Variants in POLA1 observed in about 807,000 individuals in gnomAD.
POLA1 encodes DNA polymerase alpha catalytic subunit.
Under a neutral mutation model 124.0 loss-of-function variants are expected in POLA1, and 15 were observed. The observed-to-expected ratio is 0.12, with a 90% CI of 0.08 to 0.19. The LOEUF (loss-of-function observed/expected upper bound fraction) is 0.19, where lower values mean the gene tolerates loss of function less well. Among genes scored for constraint, POLA1 ranks in the 10% least tolerant of loss-of-function variants. The probability of loss-of-function intolerance (pLI) is 1.00; values close to 1 mark genes in which losing one functional copy is unlikely to be tolerated. For synonymous variants in POLA1, 408 were observed against 389.4 expected, an observed-to-expected ratio of 1.05 and a Z score of -0.56; for missense variants, 886 against 1,103.4, an observed-to-expected ratio of 0.80 and a Z score of 2.79.
At chrX:24,813,244 G>T (rs1224773932) in intron 29 of POLA1, among the ~76,000 whole-genome samples, 1 of 111,014 alleles carries the variant, frequency 9.0e-6, no homozygotes, top group Admixed American at 9.6e-5. Context: ...AGAGCCTCTT[G>T]AGGGACATAA....
intron 35 of POLA1, among the ~76,000 whole-genome samples, chrX:24,908,995 G>A (rs1163363549): frequency 8.9e-6 from 1 of 112,129 alleles, no homozygotes; most frequent in African/African-American, 3.2e-5. Context: ...GTGATGATGA[G>A]CATTTTTTCA....
At position 24,826,498 on chromosome X, in the gene POLA1, C is replaced by A. The variant is rs756991410; in HGVS notation, c.3633C>A (p.Thr1211=). The part of the protein sequence containing the change: ...PEQLQKQDNL[T]IDTQYYLAQQ... ...AGCTGCAGAAACAGGATAATCTAACCATTGACACCCAGTACTACCTGGCCC... is the reference window on the plus strand; with the variant it reads ...AGCTGCAGAAACAGGATAATCTAACAATTGACACCCAGTACTACCTGGCCC... The change falls in exon 32 of 37, where the codon ACC becomes ACA. Residue 1211 remains threonine (T), a synonymous_variant. Transcript: ENST00000379068. 2.5e-6 allele frequency: 3 copies of A among 1,200,999 alleles called. No individual in the cohort carries two copies. Among genetic ancestry groups the A allele is most frequent in the Non-Finnish European group, 2.3e-6 (2 of 887,990 alleles).
chrX:24,732,249 C>T, intron 15 of POLA1, 121 bp from the exon 16 acceptor site: 1 of 503,117 alleles, frequency 2.0e-6, no homozygotes, highest in Middle Eastern at 3.8e-4. Context: ...GCCACCACGC[C>T]TGGCCAAACT....
Position 24,743,324 on chromosome X carries a change from A to C in POLA1, c.2561A>C (p.Lys854Thr). 2 of 1,088,023 alleles carry C rather than the reference A, an allele frequency of 1.8e-6. No homozygotes were observed. Among genetic ancestry groups the C allele is most frequent in the Non-Finnish European group, 2.5e-6 (2 of 787,208 alleles). 89.7% of individuals were successfully genotyped at this position (1,088,023 alleles called of 1,213,427 possible). A position where few individuals can be genotyped will look rare whatever the true frequency, so the allele number is the denominator to read the frequency against. Residue 854 changes from lysine to threonine, a missense_variant, in exon 23 of 37, where the codon AAA (lysine) becomes ACA (threonine). By Grantham distance (78) the Lys-to-Thr change is moderately conservative. Transcript: ENST00000379068. Reference sequence around the variant, plus strand: ...GCTGGAGGCTTGGTTTTGGACCCCAAAGTTGGTAAGGCTGGGCAGTGAATT... The same window carrying C: ...GCTGGAGGCTTGGTTTTGGACCCCACAGTTGGTAAGGCTGGGCAGTGAATT... ...AYAGGLVLDP[K>T]VGFYDKFILL...
chrX:24,705,299 G>T (rs896790415), intron 4 of POLA1, among the ~76,000 whole-genome samples: 1 of 111,666 alleles, frequency 9.0e-6, no homozygotes, highest in African/African-American at 3.3e-5. Flanking sequence ...TAGTTTTTAT[G>T]TTTTTAAGCG....
chrX:24,722,765 C>T (rs755667788), intron 10 of POLA1, among the ~76,000 whole-genome samples: 1 of 111,755 alleles, frequency 8.9e-6, no homozygotes, highest in South Asian at 3.8e-4. Flanking sequence ...GTTGACCAGG[C>T]TGGTCTCAAA....
At chrX:24,969,038 C>T (rs2048265732) in intron 36 of POLA1, among the ~76,000 whole-genome samples, 1 of 110,491 alleles carries the variant, frequency 9.1e-6, no homozygotes, top group African/African-American at 3.3e-5. Flanking sequence ...GAAACCCCAT[C>T]TCTACTAAAA....
chrX:24,914,767 T>C (rs1317341064), intron 35 of POLA1, among the ~76,000 whole-genome samples: 1 of 111,623 alleles, frequency 9.0e-6, no homozygotes, highest in Non-Finnish European at 1.9e-5. Flanking sequence ...CATTCTTTTA[T>C]TTATCCAGCG....
intron 36 of POLA1, among the ~76,000 whole-genome samples, chrX:24,952,792 C>T (rs1042486116): frequency 3.6e-5 from 4 of 110,721 alleles, no homozygotes; most frequent in African/African-American, 1.3e-4. Context: ...AGACATCAGC[C>T]ATCACTTAAA....
intron 35 of POLA1, among the ~76,000 whole-genome samples, chrX:24,929,225 A>T (rs764516108): frequency 8.9e-6 from 1 of 111,965 alleles, no homozygotes; most frequent in South Asian, 3.8e-4. Context: ...CCCTTTGAAA[A>T]TAGTGCTATT....
intron 35 of POLA1, among the ~76,000 whole-genome samples, chrX:24,912,208 T>C (rs1055644644): frequency 1.8e-5 from 2 of 112,432 alleles, no homozygotes; most frequent in Non-Finnish European, 1.9e-5. Context: ...TCATACCTTA[T>C]ACAAAAATTA....
intron 36 of POLA1, among the ~76,000 whole-genome samples, chrX:24,947,344 T>C (rs771490482): frequency 3.2e-4 from 29 of 91,764 alleles, no homozygotes; most frequent in African/African-American, 9.1e-4. Flanking sequence ...CACGGCTCAC[T>C]GCAGCCTTGA....
chrX:24,979,092 TA>T (rs2048395797), intron 36 of POLA1, among the ~76,000 whole-genome samples: 1 of 112,370 alleles, frequency 8.9e-6, no homozygotes. Context: ...TATTAGTGGT[TA>T]ATAATCAATA....
chrX:24,909,272 G>T (rs2047411086), intron 35 of POLA1, among the ~76,000 whole-genome samples: 1 of 111,937 alleles, frequency 8.9e-6, no homozygotes, highest in African/African-American at 3.3e-5. Flanking sequence ...GGCTTTTGTT[G>T]CCATTGTTTT....
At chrX:24,777,140 A>C (rs2045155838) in intron 26 of POLA1, among the ~76,000 whole-genome samples, 1 of 112,353 alleles carries the variant, frequency 8.9e-6, no homozygotes, top group African/African-American at 3.2e-5. Context: ...CAGTTTTATC[A>C]GTTTATCTCT....
At chrX:24,968,376 G>A (rs1022409824) in intron 36 of POLA1, among the ~76,000 whole-genome samples, 1 of 111,391 alleles carries the variant, frequency 9.0e-6, no homozygotes, top group African/African-American at 3.3e-5. Context: ...GATACATTTA[G>A]CATACATCAT....
At chrX:24,834,435 ATACAG>A (rs2046314151) in intron 32 of POLA1, among the ~76,000 whole-genome samples, 1 of 112,157 alleles carries the variant, frequency 8.9e-6, no homozygotes, top group Non-Finnish European at 1.9e-5. Flanking sequence ...TCTGACACTT[ATACAG>A]TAAATTGTTT....
At position 24,732,407 on chromosome X, in the gene POLA1, C is replaced by T; in HGVS notation, c.1724C>T (p.Ala575Val). The T allele has an allele frequency of 8.3e-7, 1 of 1,202,379 alleles. No homozygotes were observed. Among genetic ancestry groups the T allele is most frequent in the South Asian group, 1.8e-5 (1 of 56,720 alleles). The stretch of plus-strand genomic sequence containing the variant: ...GCAGCTTTGGTCCATCACAGTTTTG[C>T]ATTGGATAAAGCAGCCCCAAAGCCT... ...AMAALVHHSF[A>V]LDKAAPKPPF... Residue 575 changes from alanine to valine, a missense_variant, in exon 16 of 37, where the codon GCA becomes GTA. Ala to Val is a moderately conservative substitution (Grantham distance 64). This residue lies in a region of POLA1 where 337 missense variants were observed against 402.8 expected (regional missense o/e 0.84). Transcript: ENST00000379068.
At chrX:24,711,841 A>C (rs898960033) in intron 4 of POLA1, among the ~76,000 whole-genome samples, 57 of 110,622 alleles carry the variant, frequency 5.2e-4, no homozygotes, top group African/African-American at 1.9e-3. Context: ...GAGATGATCC[A>C]CCCGCCTTGG....
Sources: allele counts gnomAD v4.1 joint callset (sites outside exome capture counted in the v4.1 genomes callset), GRCh38; gene constraint gnomAD v4.1.1; regional missense constraint gnomAD v4.1.1; transcripts MANE v1.5; gene names NCBI Gene and HGNC (gene_info 2026-07-23, HGNC 2026-07-21).